Variants in GNAS observed in about 807,000 individuals in gnomAD.
GNAS encodes GNAS complex locus.
A neutral mutation model predicts 54.5 loss-of-function variants in GNAS; 8 were observed. The observed-to-expected ratio is 0.15, with a 90% CI of 0.09 to 0.26. The LOEUF (loss-of-function observed/expected upper bound fraction) is 0.26. Ranked by LOEUF, GNAS falls within the 10% of genes least tolerant of loss-of-function variation. GNAS has a pLI of 1.00. For synonymous variants in GNAS, 204 were observed against 191.4 expected, an observed-to-expected ratio of 1.07 and a Z score of -0.54; for missense variants, 170 against 529.8, an observed-to-expected ratio of 0.32 and a Z score of 6.67.
chr20:58,871,578 C>A lies in GNAS; in HGVS notation c.44-24034C>A, dbSNP rs558313118. Among the ~76,000 whole-genome samples the A allele has an allele frequency of 2.8e-4, 38 of 138,182 alleles. No individual in the cohort carries two copies. In the South Asian group the frequency reaches 9.1e-3, roughly 33 times the overall value. The allele number at this position is 138,182 out of a possible 152,430, so 90.7% of individuals were successfully genotyped here. On this transcript the variant is annotated intron_variant, in intron 1 of 12. Coordinates refer to the GNAS transcript ENST00000306090. ...GCAGTGAGCCGAGATTGTGCCATTG[C>A]ACTCCATCCTGGGCAACAAGAATGA... is the stretch of plus-strand genomic sequence containing the variant.
intron 1 of GNAS, among the ~76,000 whole-genome samples, chr20:58,879,238 T>TGGCAGCA (rs2088058470): frequency 6.6e-6 from 1 of 152,144 alleles, no homozygotes; most frequent in Non-Finnish European, 1.5e-5. Context: ...AAAGCAAGCC[T>TGGCAGCA]CCAAGCCACT....
chr20:58,897,622 A>G (rs1346477107), intron 2 of GNAS: 2 of 152,200 alleles, frequency 1.3e-5, no homozygotes, highest in African/African-American at 2.4e-5. Flanking sequence ...GCCAGCCTGT[A>G]ACACCAGGCA....
At chr20:58,842,351 A>C (rs1162927835) in intron 1 of GNAS, 1 of 397,960 alleles carries the variant, frequency 2.5e-6, no homozygotes, top group Non-Finnish European at 4.4e-6. Context: ...TTGGAGGAAT[A>C]GTAAAGCGTT....
intron 1 of GNAS, among the ~76,000 whole-genome samples, chr20:58,879,624 G>C (rs144237020): frequency 2.6e-5 from 4 of 152,294 alleles, no homozygotes; most frequent in Middle Eastern, 3.4e-3. Flanking sequence ...CACTCAGAGG[G>C]GTGCGGAAGG....
At chr20:58,862,551 G>T (rs2086833796) in intron 1 of GNAS, among the ~76,000 whole-genome samples, 1 of 149,926 alleles carries the variant, frequency 6.7e-6, no homozygotes. Context: ...GTTTTCTGTT[G>T]TTGCTGGGTT....
Position 58,891,849 on chromosome 20 carries a change from C to T in GNAS, c.123C>T (p.His41=). ...QKDKQVYRAT[H]RLLLLGAGES... ...ACAAGCAGGTCTACCGGGCCACGCACCGCCTGCTGCTGCTGGGTAAGGGCG... is the reference window on the plus strand; with the variant it reads ...ACAAGCAGGTCTACCGGGCCACGCATCGCCTGCTGCTGCTGGGTAAGGGCG... The change falls in exon 1 of 13, where the codon CAC becomes CAT. Residue 41 remains histidine (H), a synonymous_variant. Coordinates refer to ENST00000371085, the MANE Select transcript of GNAS (RefSeq NM_000516.7). 11 of 1,233,688 alleles carry T rather than the reference C, an allele frequency of 8.9e-6. No individual in the cohort carries two copies. The highest frequency in any genetic ancestry group is 1.1e-5 in the Non-Finnish European group (10 of 948,276). 76.4% of individuals were successfully genotyped at this position (1,233,688 alleles called of 1,614,324 possible).
upstream of GNAS, chr20:58,840,214 C>T (rs764128447): frequency 6.2e-7 from 1 of 1,611,224 alleles, no homozygotes; most frequent in South Asian, 1.1e-5. This position sits in a 1 kb window ranked among gnomAD's most constrained non-coding sequence, Gnocchi z 6.0. Flanking sequence ...TCTGGCTCTC[C>T]TGCTCCATCG....
upstream of GNAS, among the ~76,000 whole-genome samples, chr20:58,886,702 T>C (rs916195559): frequency 6.6e-6 from 1 of 152,048 alleles, no homozygotes; most frequent in African/African-American, 2.4e-5. Flanking sequence ...GAGGTCAAAT[T>C]TGAGGCCAAA....
Position 58,909,910 on chromosome 20 carries a change from C to G in GNAS, c.840-41C>G, listed in dbSNP as rs749417376. 3 of 1,613,320 alleles carry G rather than the reference C, an allele frequency of 1.9e-6. No homozygotes were observed. Among genetic ancestry groups the G allele is most frequent in the Non-Finnish European group, 2.5e-6 (3 of 1,179,602 alleles). ...AGCATTCCAGACCCCTGGCCGAAAG[C>G]GCGCTTCTCCCAAGCATTCACACGG... On this transcript the variant is annotated intron_variant, in intron 10 of 12. Transcript: ENST00000371085. The surrounding 1 kb of genome is among the most constrained non-coding windows in gnomAD (Gnocchi z 7.3).
chr20:58,890,722 A>G (rs2089131295), upstream of GNAS: 1 of 151,886 alleles, frequency 6.6e-6, no homozygotes, highest in Non-Finnish European at 1.5e-5. Flanking sequence ...CGGGGGCGCG[A>G]GGAGCGGCTC....
Position 58,863,606 on chromosome 20 carries a change from T to G in GNAS, c.43+22720T>G, listed in dbSNP as rs1218679733. On this transcript the variant is annotated intron_variant, in intron 1 of 12. Transcript: ENST00000306090. The surrounding 1 kb of genome is among the most constrained non-coding windows in gnomAD (Gnocchi z 4.1). ...GGAAGGAAAAAAATCTCTGTACTAC[T>G]TTCTAAAGAGTGTCACAGTTGAGCT... 1 of 152,186 alleles carries G rather than the reference T, an allele frequency of 6.6e-6. No individual in the cohort carries two copies. The highest frequency in any genetic ancestry group is 2.4e-5 in the African/African-American group (1 of 41,446). 9.4% of individuals were successfully genotyped at this position (152,186 alleles called of 1,614,324 possible).
chr20:58,855,246 G>T (rs977798308), intron 1 of GNAS: 2 of 1,591,006 alleles, frequency 1.3e-6, no homozygotes, highest in South Asian at 2.3e-5. Context: ...CCAGAAGCGC[G>T]CAGAGAAGAA....
intron 3 of GNAS, chr20:58,899,994 C>T (rs752487048): frequency 2.2e-5 from 16 of 714,544 alleles, no homozygotes; most frequent in South Asian, 1.6e-4. Context: ...ATCTTCCCGG[C>T]TATGTCCTAT....
intron 1 of GNAS, among the ~76,000 whole-genome samples, chr20:58,864,689 C>T (rs2086944204): frequency 6.6e-6 from 1 of 152,176 alleles, no homozygotes; most frequent in Non-Finnish European, 1.5e-5. Flanking sequence ...CTTTTAATGC[C>T]AGCCCCCACC....
intron 3 of GNAS, among the ~76,000 whole-genome samples, chr20:58,901,905 A>T (rs1257545754): frequency 7.1e-6 from 1 of 140,372 alleles, no homozygotes; most frequent in African/African-American, 2.7e-5. Context: ...GCTCTTGCTA[A>T]TTAACCTCCC....
At chr20:58,895,806 T>G in intron 2 of GNAS, 122 bp downstream of exon 2, 1 of 714,966 alleles carries the variant, frequency 1.4e-6, no homozygotes, top group South Asian at 1.5e-5. Context: ...TTTTCCTGAT[T>G]TACATATTAG....
chr20:58,854,864 C>A (rs1395965985), intron 1 of GNAS: 1 of 1,596,680 alleles, frequency 6.3e-7, no homozygotes, highest in East Asian at 2.3e-5. Flanking sequence ...CCCCCAGCCC[C>A]GAGATCCAGG....
chr20:58,888,069 A>G (rs2088716493), upstream of GNAS, among the ~76,000 whole-genome samples: 1 of 152,212 alleles, frequency 6.6e-6, no homozygotes, highest in Non-Finnish European at 1.5e-5. Context: ...ACCCCTGGGG[A>G]CTGTTAAATG....
intron 1 of GNAS, chr20:58,855,050 G>A (rs1419086988): frequency 6.2e-7 from 1 of 1,613,022 alleles, no homozygotes; most frequent in Non-Finnish European, 8.5e-7. Flanking sequence ...TTCAGCATCG[G>A]CGAAATCGCC....
Sources: allele counts gnomAD v4.1 joint callset (sites outside exome capture counted in the v4.1 genomes callset), GRCh38; gene constraint gnomAD v4.1.1; non-coding constraint Gnocchi (gnomAD v3.1); transcripts MANE v1.5; gene names NCBI Gene and HGNC (gene_info 2026-07-23, HGNC 2026-07-21).